Variants in THSD4 observed in about 807,000 individuals in gnomAD.
THSD4 encodes the protein thrombospondin type 1 domain containing 4.
Under a neutral mutation model 119.0 loss-of-function variants are expected in THSD4, and 69 were observed. The observed-to-expected ratio is 0.58, with a 90% CI of 0.48 to 0.71. THSD4 has a LOEUF of 0.71. Among genes scored for constraint, THSD4 ranks in the 30% least tolerant of loss-of-function variants. The probability of loss-of-function intolerance (pLI) is 0.00; values close to 1 mark genes in which losing one functional copy is unlikely to be tolerated. For missense variants in THSD4, 1,393 were observed against 1,391.1 expected, an observed-to-expected ratio of 1.00 and a Z score of -0.02; for synonymous variants, 524 against 540.4, an observed-to-expected ratio of 0.97 and a Z score of 0.42.
intron 7 of THSD4, among the ~76,000 whole-genome samples, chr15:71,433,776 G>C (rs1031048149): frequency 2.0e-5 from 3 of 152,140 alleles, no homozygotes; most frequent in African/African-American, 7.2e-5. Flanking sequence ...ATGGGGCCAT[G>C]TTAGGCTGGG....
chr15:71,218,703 T>C (rs1295937294), intron 4 of THSD4, among the ~76,000 whole-genome samples: 1 of 152,222 alleles, frequency 6.6e-6, no homozygotes, highest in East Asian at 1.9e-4. Context: ...TTGCATAGTA[T>C]ATTTGACCCC....
intron 6 of THSD4, among the ~76,000 whole-genome samples, chr15:71,379,339 A>G (rs1315179480): frequency 6.6e-6 from 1 of 151,390 alleles, no homozygotes; most frequent in Non-Finnish European, 1.5e-5. Flanking sequence ...AGCTGTTGTC[A>G]TATCTAACTT....
At chr15:71,707,753 A>T (rs909434073) in intron 8 of THSD4, among the ~76,000 whole-genome samples, 7 of 152,200 alleles carry the variant, frequency 4.6e-5, no homozygotes, top group Non-Finnish European at 1.0e-4. Context: ...TCAAGCCAAA[A>T]TTCCAGGCTG....
In THSD4 at chr15:71,781,014, A is replaced by C. The variant is rs1192125711; in HGVS notation, c.*3640A>C. 9.1e-6 allele frequency: 3 copies of C among 330,154 alleles called. No individual in the cohort carries two copies. Among genetic ancestry groups the C allele is most frequent in the African/African-American group, 2.1e-5 (1 of 46,548 alleles). The allele number at this position is 330,154 out of a possible 1,614,324, so 20.5% of individuals were successfully genotyped here. A position where few individuals can be genotyped will look rare whatever the true frequency, so the allele number is the denominator to read the frequency against. On this transcript the variant is annotated 3_prime_UTR_variant, in exon 18 of 18. Transcript: ENST00000261862. ...CAATTCTAATGAGGAGGAAGACATA[A>C]ATATAAGTGGTAAAAAGAAACATGA...
intron 7 of THSD4, among the ~76,000 whole-genome samples, chr15:71,415,528 G>C (rs1394411443): frequency 6.6e-6 from 1 of 152,030 alleles, no homozygotes; most frequent in Non-Finnish European, 1.5e-5. Flanking sequence ...TTTATCCTTT[G>C]TGTTACAAAT....
At chr15:71,234,702 A>G (rs912598251) in intron 4 of THSD4, among the ~76,000 whole-genome samples, 6 of 152,230 alleles carry the variant, frequency 3.9e-5, no homozygotes, top group African/African-American at 1.4e-4. Context: ...TGTTTTCCAG[A>G]CTTTGGCTCT....
intron 6 of THSD4, among the ~76,000 whole-genome samples, chr15:71,286,229 G>A (rs1295758419): frequency 6.6e-6 from 1 of 152,110 alleles, no homozygotes; most frequent in Non-Finnish European, 1.5e-5. Context: ...GCGTCATGGG[G>A]GTTTGTTGTA....
At chr15:71,142,751 T>C (rs1350987967) in intron 2 of THSD4, among the ~76,000 whole-genome samples, 2 of 152,352 alleles carry the variant, frequency 1.3e-5, no homozygotes, top group East Asian at 3.9e-4. Flanking sequence ...TTTAAATAAA[T>C]TGACTGAGAA....
At chr15:71,340,856 T>G (rs1308405019) in intron 6 of THSD4, among the ~76,000 whole-genome samples, 18 of 152,048 alleles carry the variant, frequency 1.2e-4, no homozygotes, top group Admixed American at 1.0e-3. Flanking sequence ...CACCTCTGCC[T>G]CCCAAAGTCC....
chr15:71,350,004 C>T (rs1363688940), intron 6 of THSD4, among the ~76,000 whole-genome samples: 1 of 152,034 alleles, frequency 6.6e-6, no homozygotes, highest in East Asian at 1.9e-4. Context: ...TGCTGACATG[C>T]CGTTATTTAA....
At chr15:71,413,696 A>G (rs1056386826) in intron 7 of THSD4, among the ~76,000 whole-genome samples, 4 of 152,238 alleles carry the variant, frequency 2.6e-5, no homozygotes, top group African/African-American at 9.6e-5. Flanking sequence ...TCTGATGTGT[A>G]TGAAGTATCT....
intron 6 of THSD4, among the ~76,000 whole-genome samples, chr15:71,308,405 G>T (rs970297304): frequency 6.6e-6 from 1 of 152,144 alleles, no homozygotes; most frequent in East Asian, 1.9e-4. Context: ...TCCTGCTAGG[G>T]TGCTTATTGA....
chr15:71,695,502 A>ATGCG (rs1491230251), intron 8 of THSD4, among the ~76,000 whole-genome samples: 7 of 144,038 alleles, frequency 4.9e-5, no homozygotes, highest in African/African-American at 1.8e-4. Flanking sequence ...GTGTGTGTGC[A>ATGCG]TGTGTGTGTG....
intron 7 of THSD4, among the ~76,000 whole-genome samples, chr15:71,426,002 G>A (rs1310886254): frequency 6.6e-6 from 1 of 152,190 alleles, no homozygotes. Context: ...GATGGCAGAG[G>A]AACCTAAGAA....
chr15:71,432,787 C>G (rs2046959585), intron 7 of THSD4, among the ~76,000 whole-genome samples: 1 of 151,552 alleles, frequency 6.6e-6, no homozygotes, highest in South Asian at 2.1e-4. Context: ...TCAGTTTTAT[C>G]TATACCATCT....
At chr15:71,206,545 G>A (rs2043845362) in intron 3 of THSD4, among the ~76,000 whole-genome samples, 1 of 152,192 alleles carries the variant, frequency 6.6e-6, no homozygotes, top group Admixed American at 6.6e-5. Flanking sequence ...CTCTTAGAAT[G>A]AGACTTTAGA....
intron 7 of THSD4, among the ~76,000 whole-genome samples, chr15:71,450,885 G>A (rs1248440529): frequency 6.6e-6 from 1 of 152,172 alleles, no homozygotes; most frequent in African/African-American, 2.4e-5. Context: ...GAAAGGAATA[G>A]TGGGGCTAGG....
chr15:71,340,746 C>T (rs2045555802), intron 6 of THSD4, among the ~76,000 whole-genome samples: 1 of 151,758 alleles, frequency 6.6e-6, no homozygotes, highest in African/African-American at 2.4e-5. Flanking sequence ...GCTGAGATTA[C>T]AGGTGCCCAC....
intron 4 of THSD4, among the ~76,000 whole-genome samples, chr15:71,223,542 T>C (rs989718076): frequency 6.6e-6 from 1 of 152,214 alleles, no homozygotes; most frequent in African/African-American, 2.4e-5. Context: ...TGCCTCTGGA[T>C]CTCAGGGCTT....
Sources: gnomAD v4.1 joint callset for allele counts (sites outside exome capture counted in the v4.1 genomes callset) on GRCh38, gnomAD v4.1.1 for gene constraint, MANE v1.5 for transcripts, NCBI Gene and HGNC (gene_info 2026-07-23, HGNC 2026-07-21) for gene names.